CHCHD6: variants seen among roughly 807,000 people sequenced by gnomAD.
CHCHD6 encodes the protein MICOS complex subunit MIC25.
Under a neutral mutation model 32.3 loss-of-function variants are expected in CHCHD6, and 28 were observed. The ratio of observed to expected loss-of-function variants is 0.87; its 90% confidence interval spans 0.64 to 1.19. CHCHD6 has a LOEUF of 1.19. Among genes scored for constraint, CHCHD6 ranks in the 50% most tolerant of loss-of-function variants. CHCHD6 has a pLI of 0.00. For missense variants in CHCHD6, 333 were observed against 307.0 expected (o/e 1.08, Z -0.63); for synonymous variants, 122 against 117.5 (o/e 1.04, Z -0.25).
At chr3:126,770,149 G>A (rs893670635) in intron 4 of CHCHD6, among the ~76,000 whole-genome samples, 2 of 152,112 alleles carry the variant, frequency 1.3e-5, no homozygotes, top group Non-Finnish European at 2.9e-5. Context: ...TGGCTTGGAT[G>A]TTTTTGGTGT....
intron 4 of CHCHD6, among the ~76,000 whole-genome samples, chr3:126,838,205 G>A (rs1159752649): frequency 6.6e-6 from 1 of 152,208 alleles, no homozygotes; most frequent in Non-Finnish European, 1.5e-5. Context: ...GTAATAGAAT[G>A]TTTTTTCAAA....
chr3:126,861,599 C>T (rs1941872813), intron 5 of CHCHD6, among the ~76,000 whole-genome samples: 1 of 151,630 alleles, frequency 6.6e-6, no homozygotes, highest in Non-Finnish European at 1.5e-5. Context: ...ACTACCTCCA[C>T]CATTACCACC....
intron 6 of CHCHD6, among the ~76,000 whole-genome samples, chr3:126,948,621 C>G (rs947432735): frequency 6.6e-6 from 1 of 152,192 alleles, no homozygotes; most frequent in Non-Finnish European, 1.5e-5. Flanking sequence ...AGGGGATCAT[C>G]AAACCCACTA....
chr3:126,796,762 G>A (rs1051073636), intron 4 of CHCHD6, among the ~76,000 whole-genome samples: 2 of 152,090 alleles, frequency 1.3e-5, no homozygotes, highest in African/African-American at 2.4e-5. Context: ...TGTGGGGATC[G>A]ACTCCACTAC....
intron 1 of CHCHD6, among the ~76,000 whole-genome samples, chr3:126,717,074 G>A (rs972283337): frequency 1.3e-5 from 2 of 152,182 alleles, no homozygotes; most frequent in Non-Finnish European, 2.9e-5. Flanking sequence ...AGTTAAGCAC[G>A]CAGGCCGGGG....
chr3:126,729,704 C>T (rs1935696555), intron 2 of CHCHD6, among the ~76,000 whole-genome samples: 1 of 152,064 alleles, frequency 6.6e-6, no homozygotes, highest in Non-Finnish European at 1.5e-5. Flanking sequence ...TCAGAAGTGC[C>T]CCCCGAAGGA....
chr3:126,856,732 AG>A (rs1394837759), intron 5 of CHCHD6, among the ~76,000 whole-genome samples: 1 of 152,204 alleles, frequency 6.6e-6, no homozygotes, highest in Non-Finnish European at 1.5e-5. Context: ...GAAGACCCTG[AG>A]AGCCCATGGA....
At chr3:126,873,663 C>G (rs550171031) in intron 5 of CHCHD6, among the ~76,000 whole-genome samples, 2 of 152,214 alleles carry the variant, frequency 1.3e-5, no homozygotes, top group African/African-American at 4.8e-5. Context: ...CACCACTGAG[C>G]AGGCAGGATG....
intron 4 of CHCHD6, among the ~76,000 whole-genome samples, chr3:126,738,231 T>A (rs552207577): frequency 2.0e-5 from 3 of 152,292 alleles, no homozygotes; most frequent in East Asian, 3.9e-4. Flanking sequence ...GGTTTCCGTA[T>A]CTGCAGATTC....
chr3:126,886,435 C>T (rs2107575607), intron 5 of CHCHD6, among the ~76,000 whole-genome samples: 1 of 152,352 alleles, frequency 6.6e-6, no homozygotes, highest in East Asian at 1.9e-4. Flanking sequence ...GTAGACACTA[C>T]TGCCGGTTAT....
intron 4 of CHCHD6, among the ~76,000 whole-genome samples, chr3:126,762,403 G>T (rs1937196590): frequency 6.6e-6 from 1 of 152,036 alleles, no homozygotes; most frequent in South Asian, 2.1e-4. Context: ...TTGATAAATT[G>T]GTTGTTGAGT....
chr3:126,862,222 T>A (rs1941931490), intron 5 of CHCHD6, among the ~76,000 whole-genome samples: 1 of 93,576 alleles, frequency 1.1e-5, no homozygotes, highest in Admixed American at 1.1e-4. Context: ...CATCACCACC[T>A]CCTCCTCCTC....
At chr3:126,713,151 G>T (rs1576326030) in intron 1 of CHCHD6, among the ~76,000 whole-genome samples, 1 of 152,032 alleles carries the variant, frequency 6.6e-6, no homozygotes, top group African/African-American at 2.4e-5. Flanking sequence ...ATACTTTCTG[G>T]TGCTACCAGG....
chr3:126,920,718 C>T (rs1351680324), intron 6 of CHCHD6, among the ~76,000 whole-genome samples: 1 of 152,196 alleles, frequency 6.6e-6, no homozygotes, highest in Admixed American at 6.5e-5. Flanking sequence ...GGAGCGTTGC[C>T]TCCCTATCAT....
chr3:126,957,558 C>T lies in CHCHD6; in HGVS notation c.702+7C>T, dbSNP rs1279053060. On this transcript the variant is annotated splice_region_variant and intron_variant, in intron 7 of 7. Coordinates refer to ENST00000290913, the MANE Select transcript of CHCHD6 (RefSeq NM_032343.3). ...CGTGAGCGCCGCCCACAAGGTAAGG[C>T]CTTGCCTGCCTCCCAGGTTTCCAAG... is the stretch of plus-strand genomic sequence containing the variant. 4.5e-6 allele frequency: 7 copies of T among 1,558,310 alleles called. No homozygotes were observed. The highest frequency in any genetic ancestry group is 6.1e-6 in the Non-Finnish European group (7 of 1,151,336).
At chr3:126,777,525 C>A (rs1239167160) in intron 4 of CHCHD6, among the ~76,000 whole-genome samples, 1 of 152,072 alleles carries the variant, frequency 6.6e-6, no homozygotes. Flanking sequence ...AACAAGATAC[C>A]CTCTAGGAGA....
At chr3:126,740,090 A>G (rs1936224274) in intron 4 of CHCHD6, among the ~76,000 whole-genome samples, 1 of 152,176 alleles carries the variant, frequency 6.6e-6, no homozygotes, top group Non-Finnish European at 1.5e-5. Context: ...AACTATTAAT[A>G]TGATATGTGA....
chr3:126,906,529 C>T (rs190767472), intron 5 of CHCHD6, among the ~76,000 whole-genome samples: 8 of 152,336 alleles, frequency 5.3e-5, no homozygotes, highest in Admixed American at 2.6e-4. Context: ...TGCTTTACGC[C>T]GGGTGTAGTC....
At chr3:126,794,367 TC>T (rs891267016) in intron 4 of CHCHD6, among the ~76,000 whole-genome samples, 9 of 148,030 alleles carry the variant, frequency 6.1e-5, no homozygotes, top group Non-Finnish European at 1.3e-4. Flanking sequence ...TTTTGTGTTT[TC>T]CCCCCATATT....
Sources: gnomAD v4.1 joint callset for allele counts (sites outside exome capture counted in the v4.1 genomes callset) on GRCh38, gnomAD v4.1.1 for gene constraint, MANE v1.5 for transcripts, NCBI Gene and HGNC (gene_info 2026-07-23, HGNC 2026-07-21) for gene names.